The following GRIN2A variants were observed in gnomAD, a reference collection of about 807,000 sequenced individuals.
The protein encoded by GRIN2A is glutamate ionotropic receptor NMDA type subunit 2A, also known as glutamate receptor ionotropic, NMDA 2A.
A neutral mutation model predicts 113.4 loss-of-function variants in GRIN2A; 22 were observed. The observed-to-expected ratio is 0.19, with a 90% confidence interval of 0.14 to 0.28. The LOEUF (loss-of-function observed/expected upper bound fraction) is 0.28. Ranked by LOEUF, GRIN2A falls within the 10% of genes least tolerant of loss-of-function variation. GRIN2A has a pLI of 1.00. For missense variants in GRIN2A, 1,502 were observed against 1,887.0 expected (o/e 0.80, Z 3.78); for synonymous variants, 827 against 738.4 (o/e 1.12, Z -1.94).
rs1243412120 is a variant in GRIN2A at position 9,764,153 on chromosome 16, C to G, written c.3391G>C (p.Asp1131His). 1.2e-6 allele frequency: 2 copies of G among 1,613,460 alleles called. No individual in the cohort carries two copies. Residue 1131 changes from aspartate (D) to histidine (H), a missense_variant, in exon 13 of 13, where the codon GAT becomes CAT. This residue lies in a region of GRIN2A where 832 missense variants were observed against 789.7 expected (regional missense o/e 1.05). Coordinates refer to ENST00000330684, the MANE Select transcript of GRIN2A (RefSeq NM_001134407.3). Reference protein sequence around the residue: ...DGEKEPGFHLDPPQFVENVTL... With the variant: ...DGEKEPGFHLHPPQFVENVTL... ...ACATTTTCAACAAACTGGGGTGGAT[C>G]TAAGTGGAAACCAGGCTCCTTCTCA...
rs1900436756 is a variant in GRIN2A at position 9,758,182 on chromosome 16, C to T, written c.*4967G>A. The T allele has an allele frequency of 2.7e-5, 6 of 218,478 alleles. No individual in the cohort carries two copies. In the East Asian group the frequency reaches 4.0e-4, roughly 15 times the overall value. 13.5% of individuals were successfully genotyped at this position (218,478 alleles called of 1,614,324 possible). On this transcript the variant is annotated 3_prime_UTR_variant, in exon 13 of 13. Transcript: ENST00000330684. ...CTAAGACCCTTCTGGGCAGGCACTT[C>T]TAGCTAATACTATACTGAAAGTACT...
At chr16:10,067,012 G>A (rs1448262) in intron 2 of GRIN2A, among the ~76,000 whole-genome samples, 1 of 152,118 alleles carries the variant, frequency 6.6e-6, no homozygotes, top group Non-Finnish European at 1.5e-5. Flanking sequence ...GATATTTTAA[G>A]TGGATGAATA....
chr16:10,044,005 G>GTATATATATATATATA (rs749614491), intron 2 of GRIN2A, among the ~76,000 whole-genome samples: 27 of 100,222 alleles, frequency 2.7e-4, no homozygotes, highest in Admixed American at 1.1e-3. Context: ...GTGTGTGTGT[G>GTATATATATATATATA]TGTATATATA....
At chr16:9,803,903 G>A (rs2141247426) in intron 10 of GRIN2A, among the ~76,000 whole-genome samples, 1 of 152,314 alleles carries the variant, frequency 6.6e-6, no homozygotes, top group Middle Eastern at 3.4e-3. Flanking sequence ...CAGATGGGGG[G>A]TTTTAGCTAT....
At chr16:9,811,836 C>G (rs1037109365) in intron 10 of GRIN2A, among the ~76,000 whole-genome samples, 11 of 152,194 alleles carry the variant, frequency 7.2e-5, no homozygotes, top group Admixed American at 2.6e-4. Context: ...TGCTTCTTCA[C>G]AGTTCTTCCC....
chr16:10,068,050 A>G (rs2047682561), intron 2 of GRIN2A, among the ~76,000 whole-genome samples: 1 of 152,274 alleles, frequency 6.6e-6, no homozygotes, highest in Admixed American at 6.5e-5. Flanking sequence ...AGATGAGATG[A>G]GATGGCAGAT....
chr16:10,016,652 A>G (rs1460350183), intron 2 of GRIN2A, among the ~76,000 whole-genome samples: 1 of 152,194 alleles, frequency 6.6e-6, no homozygotes, highest in Non-Finnish European at 1.5e-5. Context: ...CGAAGAATTT[A>G]TTGTAGTTGT....
intron 2 of GRIN2A, among the ~76,000 whole-genome samples, chr16:10,120,390 T>C (rs1287537461): frequency 1.3e-5 from 2 of 152,194 alleles, no homozygotes; most frequent in African/African-American, 4.8e-5. Flanking sequence ...TAAATCTTGA[T>C]ATTATAACCT....
chr16:10,157,484 T>C (rs1392354809), intron 2 of GRIN2A, among the ~76,000 whole-genome samples: 1 of 152,166 alleles, frequency 6.6e-6, no homozygotes, highest in Non-Finnish European at 1.5e-5. Flanking sequence ...AGACGGGTAA[T>C]TTATAGAGGA....
chr16:9,924,064 T>C (rs1469100052), intron 3 of GRIN2A, among the ~76,000 whole-genome samples: 2 of 147,122 alleles, frequency 1.4e-5, no homozygotes, highest in East Asian at 2.0e-4. Flanking sequence ...TGAGCCGAGA[T>C]TGCACCACTG....
chr16:10,104,557 C>T (rs1440679283), intron 2 of GRIN2A, among the ~76,000 whole-genome samples: 1 of 152,194 alleles, frequency 6.6e-6, no homozygotes, highest in African/African-American at 2.4e-5. Context: ...ATATGGAAAG[C>T]TTGCACGAGC....
intron 2 of GRIN2A, among the ~76,000 whole-genome samples, chr16:10,055,108 A>AAAAAAAAG (rs2047433597): frequency 1.0e-5 from 1 of 95,528 alleles, no homozygotes; most frequent in Non-Finnish European, 2.0e-5. Flanking sequence ...AAAGAAAGAA[A>AAAAAAAAG]AAAGAAAAAA....
intron 2 of GRIN2A, among the ~76,000 whole-genome samples, chr16:10,032,976 C>A (rs1380108574): frequency 6.6e-6 from 1 of 152,212 alleles, no homozygotes; most frequent in Admixed American, 6.5e-5. Flanking sequence ...CCCATGACTA[C>A]ACCATGCTTT....
chr16:10,076,104 A>AGCCT (rs2047867581), intron 2 of GRIN2A, among the ~76,000 whole-genome samples: 1 of 152,184 alleles, frequency 6.6e-6, no homozygotes, highest in African/African-American at 2.4e-5. Flanking sequence ...AGGATCGGAC[A>AGCCT]TAGGGCTAAC....
chr16:10,020,526 C>T (rs544639702), intron 2 of GRIN2A, among the ~76,000 whole-genome samples: 1 of 152,178 alleles, frequency 6.6e-6, no homozygotes, highest in Non-Finnish European at 1.5e-5. Flanking sequence ...CAGCAGGCTG[C>T]AGCTGTGTGT....
intron 11 of GRIN2A, among the ~76,000 whole-genome samples, chr16:9,774,847 G>A (rs890375384): frequency 4.6e-5 from 7 of 152,154 alleles, no homozygotes. Context: ...AGGGAAGCTG[G>A]GGGGTGGGAT....
chr16:9,822,754 G>GTGTT (rs1254202360), intron 9 of GRIN2A, among the ~76,000 whole-genome samples: 1 of 152,200 alleles, frequency 6.6e-6, no homozygotes, highest in Non-Finnish European at 1.5e-5. Context: ...GACTAGCACA[G>GTGTT]TGTTAGGCAC....
At chr16:9,951,881 A>G (rs766527484) in intron 2 of GRIN2A, among the ~76,000 whole-genome samples, 1 of 152,092 alleles carries the variant, frequency 6.6e-6, no homozygotes, top group Non-Finnish European at 1.5e-5. Flanking sequence ...GTGTTCTTCA[A>G]CCTCAGGTAA....
intron 2 of GRIN2A, chr16:10,112,460 C>T (rs1381282021): frequency 3.6e-6 from 3 of 843,828 alleles, no homozygotes; most frequent in Admixed American, 1.7e-5. Context: ...GTGTGTCCAT[C>T]ATAGCCGATG....
Sources: allele counts gnomAD v4.1 joint callset (sites outside exome capture counted in the v4.1 genomes callset), GRCh38; gene constraint gnomAD v4.1.1; regional missense constraint gnomAD v4.1.1; transcripts MANE v1.5; gene names NCBI Gene and HGNC (gene_info 2026-07-23, HGNC 2026-07-21).